MTUS2: variants seen among roughly 807,000 people sequenced by gnomAD.
MTUS2 encodes the protein microtubule associated scaffold protein 2.
MTUS2 carries 40 observed loss-of-function variants against 114.1 expected under a neutral mutation model. The observed-to-expected ratio is 0.35, with a 90% CI of 0.27 to 0.46. MTUS2 has a LOEUF of 0.46. MTUS2 is among the 20% of genes least tolerant of loss of function. The pLI is 1.00. For synonymous variants in MTUS2, 688 were observed against 672.0 expected, an observed-to-expected ratio of 1.02 and a Z score of -0.37; for missense variants, 1,679 against 1,705.4, an observed-to-expected ratio of 0.98 and a Z score of 0.27.
chr13:29,423,554 A>G (rs1031723810), intron 8 of MTUS2, among the ~76,000 whole-genome samples: 4 of 152,252 alleles, frequency 2.6e-5, no homozygotes, highest in African/African-American at 4.8e-5. Flanking sequence ...ATCAAAAAAC[A>G]GTAATTAGTG....
At chr13:29,492,382 C>CTG (rs1370636546) in intron 11 of MTUS2, among the ~76,000 whole-genome samples, 1 of 151,534 alleles carries the variant, frequency 6.6e-6, no homozygotes, top group Non-Finnish European at 1.5e-5. Context: ...AGTGTGTGGT[C>CTG]TGTGTGTGTT....
chr13:29,452,582 GTGTGT>G (rs1477245423), intron 9 of MTUS2, among the ~76,000 whole-genome samples: 74 of 126,730 alleles, frequency 5.8e-4, no homozygotes, highest in Non-Finnish European at 9.1e-4. Flanking sequence ...ATATGTGTGT[GTGTGT>G]GTGTGTGTGT....
intron 8 of MTUS2, among the ~76,000 whole-genome samples, chr13:29,367,162 G>C (rs1196195915): frequency 6.6e-6 from 1 of 152,118 alleles, no homozygotes; most frequent in South Asian, 2.1e-4. Context: ...AGCCTGTCAA[G>C]CAGGCAGGGT....
chr13:29,244,509 G>A (rs1896839697), intron 5 of MTUS2, among the ~76,000 whole-genome samples: 1 of 152,150 alleles, frequency 6.6e-6, no homozygotes. Flanking sequence ...GGGCCACTGA[G>A]ATCCAGGTGA....
intron 2 of MTUS2, among the ~76,000 whole-genome samples, chr13:28,932,687 G>C (rs1881681314): frequency 6.6e-6 from 1 of 152,198 alleles, no homozygotes; most frequent in Admixed American, 6.5e-5. Context: ...TTCAACCCAT[G>C]TGCAGACTCA....
At chr13:29,022,427 T>A (rs1267731683) in intron 2 of MTUS2, among the ~76,000 whole-genome samples, 1 of 152,186 alleles carries the variant, frequency 6.6e-6, no homozygotes. Flanking sequence ...TGACCTCAAG[T>A]GATCCTCCCA....
chr13:28,945,698 G>A (rs1006676125), intron 2 of MTUS2, among the ~76,000 whole-genome samples: 5 of 152,094 alleles, frequency 3.3e-5, no homozygotes, highest in African/African-American at 1.2e-4. Flanking sequence ...TTGTTGTTGA[G>A]TTGTTTGAGT....
At chr13:29,294,645 T>A (rs1263578890) in intron 6 of MTUS2, among the ~76,000 whole-genome samples, 1 of 152,150 alleles carries the variant, frequency 6.6e-6, no homozygotes, top group East Asian at 1.9e-4. Context: ...AAAGTTCAAA[T>A]GAAACAAGGC....
chr13:28,849,944 C>G (rs1053119916), intron 2 of MTUS2, among the ~76,000 whole-genome samples: 10 of 152,064 alleles, frequency 6.6e-5, no homozygotes, highest in Non-Finnish European at 1.2e-4. Context: ...CCTCCAAATC[C>G]AGGAAACAAG....
intron 5 of MTUS2, among the ~76,000 whole-genome samples, chr13:29,210,497 A>C (rs557809257): frequency 6.6e-6 from 1 of 152,124 alleles, no homozygotes; most frequent in East Asian, 1.9e-4. Flanking sequence ...AGTGTTAAAA[A>C]ATCTTGTTTT....
At chr13:29,306,710 C>T in intron 6 of MTUS2, 1 of 269,624 alleles carries the variant, frequency 3.7e-6, no homozygotes, top group South Asian at 3.4e-5. Flanking sequence ...ATGGTCGGCT[C>T]CCTGCTTCTC....
intron 9 of MTUS2, among the ~76,000 whole-genome samples, chr13:29,440,813 C>T (rs1183785193): frequency 1.3e-5 from 2 of 152,070 alleles, no homozygotes; most frequent in Admixed American, 1.3e-4. Context: ...GTGGCTTCCT[C>T]CGTGAGTGAA....
intron 5 of MTUS2, among the ~76,000 whole-genome samples, chr13:29,151,076 A>G (rs1892646760): frequency 6.6e-6 from 1 of 152,160 alleles, no homozygotes; most frequent in Non-Finnish European, 1.5e-5. Flanking sequence ...TAATTCTGTG[A>G]AAAATTATAT....
In MTUS2 at chr13:29,504,379, A is replaced by C; in HGVS notation, c.*1173A>C. ...CACATTGAGATGGCTCAGGGGTTCTAGCAGGGGCTTCCAGAAAAAAAAAAC... is the reference window on the plus strand; with the variant it reads ...CACATTGAGATGGCTCAGGGGTTCTCGCAGGGGCTTCCAGAAAAAAAAAAC... On this transcript the variant is annotated 3_prime_UTR_variant, in exon 16 of 16. Coordinates refer to ENST00000612955, the MANE Select transcript of MTUS2 (RefSeq NM_001033602.4). 5.6e-6 allele frequency: 1 copy of C among 177,312 alleles called. No homozygotes were observed. 11.0% of individuals were successfully genotyped at this position (177,312 alleles called of 1,614,324 possible).
intron 4 of MTUS2, among the ~76,000 whole-genome samples, chr13:29,080,762 G>A (rs998992969): frequency 6.6e-6 from 1 of 151,976 alleles, no homozygotes; most frequent in Non-Finnish European, 1.5e-5. Context: ...TTTCACTGTT[G>A]TCACCCTGGC....
At chr13:29,140,934 C>A (rs1240037041) in intron 5 of MTUS2, among the ~76,000 whole-genome samples, 2 of 152,154 alleles carry the variant, frequency 1.3e-5, no homozygotes, top group Non-Finnish European at 2.9e-5. Context: ...TGACAAAAAT[C>A]GGTGTCGATG....
At chr13:29,491,199 TG>T (rs1257948117) in intron 11 of MTUS2, among the ~76,000 whole-genome samples, 2 of 29,428 alleles carry the variant, frequency 6.8e-5, no homozygotes, top group African/African-American at 1.2e-4. Flanking sequence ...TGGTGTATGG[TG>T]GGGGTGTGGG....
At chr13:29,269,965 A>G (rs1897817666) in intron 5 of MTUS2, among the ~76,000 whole-genome samples, 2 of 152,174 alleles carry the variant, frequency 1.3e-5, no homozygotes, top group African/African-American at 4.8e-5. Flanking sequence ...AGAAGCACAG[A>G]TACTGTGTGA....
intron 8 of MTUS2, among the ~76,000 whole-genome samples, chr13:29,435,437 C>G (rs1877333360): frequency 6.6e-6 from 1 of 152,146 alleles, no homozygotes; most frequent in Admixed American, 6.5e-5. Flanking sequence ...TTCAGTCAAC[C>G]CACAGTGTCA....
Sources: gnomAD v4.1 joint callset for allele counts (sites outside exome capture counted in the v4.1 genomes callset) on GRCh38, gnomAD v4.1.1 for gene constraint, MANE v1.5 for transcripts, NCBI Gene and HGNC (gene_info 2026-07-23, HGNC 2026-07-21) for gene names.